Variants in DNAH8 observed in about 807,000 individuals in gnomAD.
DNAH8 encodes axonemal beta dynein heavy chain 8.
Under a neutral mutation model 562.1 loss-of-function variants are expected in DNAH8, and 382 were observed. The ratio of observed to expected loss-of-function variants is 0.68; its 90% CI spans 0.63 to 0.74. The LOEUF is 0.74. Ranked by LOEUF, DNAH8 falls within the 30% of genes least tolerant of loss-of-function variation. The probability of loss-of-function intolerance (pLI) is 0.00; values close to 1 mark genes in which losing one functional copy is unlikely to be tolerated. For synonymous variants in DNAH8, 1,881 were observed against 1,919.4 expected, an observed-to-expected ratio of 0.98 and a Z score of 0.52; for missense variants, 5,203 against 5,620.4, an observed-to-expected ratio of 0.93 and a Z score of 2.37.
chr6:38,940,893 G>A (rs1225008029), intron 79 of DNAH8, among the ~76,000 whole-genome samples: 7 of 143,322 alleles, frequency 4.9e-5, no homozygotes, highest in East Asian at 2.1e-4. Flanking sequence ...TGAGGCAGGC[G>A]GATCACAAGG....
At chr6:38,866,291 C>T (rs537392109) in intron 45 of DNAH8, among the ~76,000 whole-genome samples, 13 of 152,164 alleles carry the variant, frequency 8.5e-5, no homozygotes, top group African/African-American at 2.9e-4. Flanking sequence ...TATTATTTCA[C>T]GTTCTTTTCT....
intron 1 of DNAH8, 142 bp downstream of exon 1, chr6:38,715,557 A>C (rs1306165338): frequency 1.3e-5 from 2 of 152,264 alleles, no homozygotes; most frequent in African/African-American, 4.8e-5. Context: ...CTGTTAGTTG[A>C]ACCCAGGGAA....
chr6:38,818,638 C>G (rs1442699393), intron 26 of DNAH8, among the ~76,000 whole-genome samples: 2 of 150,788 alleles, frequency 1.3e-5, no homozygotes, highest in Non-Finnish European at 2.9e-5. Context: ...GGTGATTGTG[C>G]AGTGATAGTT....
chr6:38,756,164 G>T lies in DNAH8; in HGVS notation c.1515+85G>T, dbSNP rs141671826. On this transcript the variant is annotated intron_variant, in intron 10 of 92. Transcript: ENST00000327475. The stretch of plus-strand genomic sequence containing the variant: ...TTCTGAGCCCTAGGAAGGGAATTTG[G>T]AAGCCTAAGTGCCTCTCAGAGTTTT... 2.1e-3 allele frequency: 1,783 copies of T among 853,416 alleles called. 13 individuals carry two copies. Among genetic ancestry groups the T allele is most frequent in the Middle Eastern group, 0.01 (46 of 4,524 alleles). The allele number at this position is 853,416 out of a possible 1,614,324, so 52.9% of individuals were successfully genotyped here. A position where few individuals can be genotyped will look rare whatever the true frequency, so the allele number is the denominator to read the frequency against.
At chr6:38,912,803 A>G (rs981702802) in intron 66 of DNAH8, among the ~76,000 whole-genome samples, 7 of 150,948 alleles carry the variant, frequency 4.6e-5, no homozygotes, top group Non-Finnish European at 1.0e-4. Context: ...TCTTAGTTTT[A>G]CTCTTTTTTT....
At chr6:38,769,754 C>T (rs1327365366) in intron 11 of DNAH8, among the ~76,000 whole-genome samples, 1 of 152,010 alleles carries the variant, frequency 6.6e-6, no homozygotes, top group Non-Finnish European at 1.5e-5. Flanking sequence ...CTTATGTGGG[C>T]AAGAGGAGGC....
chr6:38,838,159 C>A (rs1774456061), intron 33 of DNAH8, 117 bp downstream of exon 33: 2 of 624,210 alleles, frequency 3.2e-6, no homozygotes, highest in South Asian at 2.2e-5. Context: ...TGGAGCACAA[C>A]TGAATATTCT....
At chr6:38,914,166 T>C (rs904598509) in intron 67 of DNAH8, among the ~76,000 whole-genome samples, 3 of 152,126 alleles carry the variant, frequency 2.0e-5, no homozygotes, top group Admixed American at 6.5e-5. Context: ...CTATTATTTC[T>C]TCTCTCACTC....
chr6:38,734,326 A>T, intron 4 of DNAH8, 148 bp from the exon 5 acceptor site: 4 of 448,808 alleles, frequency 8.9e-6, no homozygotes, highest in East Asian at 1.2e-4. Flanking sequence ...CTTCTAGTAG[A>T]CCCCCCCCCA....
At chr6:38,852,924 G>A (rs997799477) in intron 40 of DNAH8, 126 bp downstream of exon 40, 3 of 750,134 alleles carry the variant, frequency 4.0e-6, no homozygotes, top group South Asian at 3.9e-5. Context: ...CCTGGGCTTT[G>A]TTAAAAACTA....
At chr6:38,812,393 A>G (rs919189469) in intron 24 of DNAH8, among the ~76,000 whole-genome samples, 1 of 152,176 alleles carries the variant, frequency 6.6e-6, no homozygotes, top group Non-Finnish European at 1.5e-5. Context: ...TTCTGCGGCA[A>G]TTTAGCAATT....
In DNAH8 at chr6:38,908,120, A is replaced by G. The variant is rs1339212558; in HGVS notation, c.9513A>G (p.Pro3171=). 2 of 1,543,122 alleles carry G rather than the reference A, an allele frequency of 1.3e-6. No homozygotes were observed. Residue 3171 remains proline (P), a splice_region_variant and synonymous_variant, in exon 64 of 93, where the codon CCA becomes CCG. Transcript: ENST00000327475. ...TACATGTTGTTCTCTGCTTTTCTCC[A>G]GTAAGTTTTTATTTTTATTTATATC... ...KNLHVVLCFS[P]VGEKFRARSL... is the part of the protein sequence containing the mutation.
Position 38,870,516 on chromosome 6 carries a change from T to C in DNAH8, c.6944T>C (p.Ile2315Thr), listed in dbSNP as rs1232693686. 4 of 1,613,982 alleles carry C rather than the reference T, an allele frequency of 2.5e-6. No homozygotes were observed. Among genetic ancestry groups the C allele is most frequent in the African/African-American group, 1.3e-5 (1 of 74,926 alleles). The part of the protein sequence containing the change: ...LQNAVAHQVQ[I>T]EGLINHPPWN... The stretch of plus-strand genomic sequence containing the variant: ...AACGCAGTAGCCCATCAGGTTCAGA[T>C]AGAGGGTTTGATTAACCATCCACCC... The change falls in exon 49 of 93, where the codon ATA becomes ACA. Residue 2315 changes from isoleucine (I) to threonine (T), a missense_variant. Coordinates refer to ENST00000327475, the MANE Select transcript of DNAH8 (RefSeq NM_001206927.2).
At chr6:39,010,998 G>C (rs1360106001) in intron 89 of DNAH8, among the ~76,000 whole-genome samples, 2 of 151,952 alleles carry the variant, frequency 1.3e-5, no homozygotes, top group Non-Finnish European at 2.9e-5. Flanking sequence ...TTGCTACGTC[G>C]GACTGCGTTA....
chr6:38,810,693 A>T (rs1221923090), intron 24 of DNAH8, among the ~76,000 whole-genome samples: 1 of 152,172 alleles, frequency 6.6e-6, no homozygotes, highest in Non-Finnish European at 1.5e-5. Context: ...ACTGAACTGT[A>T]CATATTTTAT....
intron 48 of DNAH8, 119 bp from the exon 49 acceptor site, chr6:38,870,282 T>G: frequency 1.2e-6 from 1 of 863,518 alleles, no homozygotes; most frequent in Non-Finnish European, 1.8e-6. Flanking sequence ...ACAAGCCTGA[T>G]TAGGAGAGTA....
intron 92 of DNAH8, among the ~76,000 whole-genome samples, 162 bp from the exon 93 acceptor site, chr6:39,029,943 C>T (rs1379099518): frequency 6.6e-6 from 1 of 152,208 alleles, no homozygotes; most frequent in African/African-American, 2.4e-5. Flanking sequence ...GAAAACTGGG[C>T]TCAGTATTTC....
intron 80 of DNAH8, among the ~76,000 whole-genome samples, chr6:38,946,050 T>C (rs971917249): frequency 2.0e-5 from 3 of 151,910 alleles, no homozygotes; most frequent in African/African-American, 4.9e-5. Flanking sequence ...TGCTTGTTGT[T>C]TTTTTCTTAT....
Position 38,918,100 on chromosome 6 carries a change from C to A in DNAH8, c.10484C>A (p.Ala3495Glu). ...AGLLSWTLAM[A>E]IFYGINREVL... ...CTCCTGTCTTGGACACTTGCTATGG[C>A]AATATTTTATGGCATCAATAGAGAA... Residue 3495 changes from alanine to glutamate, a missense_variant, in exon 70 of 93, where the codon GCA (alanine) becomes GAA (glutamate). By Grantham distance (107) the Ala-to-Glu change is moderately radical (BLOSUM62 -1). Around this residue, in one of 6 missense-constraint regions of DNAH8, gnomAD observed 1,399 missense variants for 1,518.4 expected, o/e 0.92. Transcript: ENST00000327475. 6.2e-7 allele frequency: 1 copy of A among 1,613,632 alleles called. No homozygotes were observed. Among genetic ancestry groups the A allele is most frequent in the Non-Finnish European group, 8.5e-7 (1 of 1,179,784 alleles).
Sources: allele counts gnomAD v4.1 joint callset (sites outside exome capture counted in the v4.1 genomes callset), GRCh38; gene constraint gnomAD v4.1.1; regional missense constraint gnomAD v4.1.1; transcripts MANE v1.5; gene names NCBI Gene and HGNC (gene_info 2026-07-23, HGNC 2026-07-21).